The following ICA1 variants were observed in gnomAD, a reference collection of about 807,000 sequenced individuals.
ICA1 encodes the protein 69 kDa islet cell autoantigen.
A neutral mutation model predicts 71.0 loss-of-function variants in ICA1; 40 were observed. That is an observed-to-expected ratio of 0.56 (90% CI 0.44 to 0.73). The LOEUF (loss-of-function observed/expected upper bound fraction) is 0.73, where lower values mean the gene tolerates loss of function less well. Ranked by LOEUF, ICA1 falls within the 30% of genes least tolerant of loss-of-function variation. The probability of loss-of-function intolerance (pLI) is 0.00; values close to 1 mark genes in which losing one functional copy is unlikely to be tolerated. For missense variants in ICA1, 578 were observed against 576.5 expected (o/e 1.00, Z -0.03); for synonymous variants, 207 against 209.5 (o/e 0.99, Z 0.10).
At chr7:8,171,322 T>C (rs1267789205) in intron 6 of ICA1, among the ~76,000 whole-genome samples, 1 of 151,996 alleles carries the variant, frequency 6.6e-6, no homozygotes, top group Non-Finnish European at 1.5e-5. Context: ...GATTTATTCA[T>C]AGATATAGGG....
intron 1 of ICA1, among the ~76,000 whole-genome samples, chr7:8,236,431 C>T (rs1801865236): frequency 6.6e-6 from 1 of 152,188 alleles, no homozygotes; most frequent in Non-Finnish European, 1.5e-5. Context: ...GAGAGATATA[C>T]AGCAGCTTCA....
chr7:8,258,418 C>T (rs1338943776), intron 1 of ICA1, among the ~76,000 whole-genome samples: 1 of 152,162 alleles, frequency 6.6e-6, no homozygotes, highest in African/African-American at 2.4e-5. Context: ...GCCATCATTT[C>T]CCCACCTTTT....
intron 13 of ICA1, 103 bp from the exon 14 acceptor site, chr7:8,114,147 C>T (rs1784032456): frequency 7.9e-7 from 1 of 1,261,700 alleles, no homozygotes; most frequent in East Asian, 2.3e-5. Context: ...GCAGATTGTT[C>T]AATCAGACAA....
chr7:8,200,807 C>T (rs3823831), intron 6 of ICA1, among the ~76,000 whole-genome samples: 44,618 of 152,158 alleles, frequency 0.29, 12,214 homozygotes, highest in African/African-American at 0.73. Flanking sequence ...AAATGTCCAG[C>T]CAAACAGGAT....
intron 6 of ICA1, among the ~76,000 whole-genome samples, chr7:8,201,511 C>T (rs1039586375): frequency 9.9e-5 from 15 of 152,196 alleles, no homozygotes; most frequent in African/African-American, 3.4e-4. Context: ...GAGGGAAAAA[C>T]CAAAGGCAGA....
chr7:8,158,376 C>T (rs1802482667), intron 7 of ICA1, 151 bp downstream of exon 7: 1 of 861,380 alleles, frequency 1.2e-6, no homozygotes, highest in Middle Eastern at 2.5e-4. Flanking sequence ...AAACGTAGGG[C>T]CCTAGAAGGC....
Position 8,132,896 on chromosome 7 carries a change from T to C in ICA1, c.1061-4754A>G, listed in dbSNP as rs1792001603. ...TGGGTTTGCCCATTGGTGAAGCTGC[T>C]GGTGCTCCATAGAGGAACCCTCTTA... On this transcript the variant is annotated intron_variant, in intron 12 of 13. Transcript: ENST00000402384. The surrounding 1 kb of genome is among the most constrained non-coding windows in gnomAD (Gnocchi z 4.5). Among the ~76,000 whole-genome samples, 1 of 152,258 alleles carries C rather than the reference T, an allele frequency of 6.6e-6. No homozygotes were observed. Among genetic ancestry groups the C allele is most frequent in the South Asian group, 2.1e-4 (1 of 4,834 alleles).
chr7:8,116,119 C>G (rs1188667044), intron 13 of ICA1: 1 of 152,212 alleles, frequency 6.6e-6, no homozygotes, highest in Non-Finnish European at 1.5e-5. Flanking sequence ...CATCTCATAG[C>G]CCTGTCTTGA....
At chr7:8,218,897 A>G (rs2128414984) in intron 5 of ICA1, 1 of 300,260 alleles carries the variant, frequency 3.3e-6, no homozygotes, top group Non-Finnish European at 6.5e-6. Context: ...GTATGTGATT[A>G]GCATCTCTCC....
chr7:8,114,133 A>G, intron 13 of ICA1, 89 bp from the exon 14 acceptor site: 1 of 1,387,094 alleles, frequency 7.2e-7, no homozygotes, highest in Non-Finnish European at 1.0e-6. Context: ...GGTCATCTTC[A>G]AATGCAGATT....
chr7:8,169,242 C>T (rs1020749892), intron 6 of ICA1, among the ~76,000 whole-genome samples: 1 of 152,062 alleles, frequency 6.6e-6, no homozygotes, highest in Non-Finnish European at 1.5e-5. Flanking sequence ...TATGAATATA[C>T]TGTTACTTGT....
chr7:8,213,883 T>C (rs1794612056), intron 6 of ICA1, among the ~76,000 whole-genome samples: 1 of 152,134 alleles, frequency 6.6e-6, no homozygotes. Flanking sequence ...ATGAACAGTC[T>C]CCAAAACCTA....
chr7:8,226,266 C>T lies in ICA1; in HGVS notation c.256+2335G>A, dbSNP rs758885954. ...CAACCCTTCCCCACTCCTCATCCAC[C>T]ACTGGTATCCAGTCTCTTTCGTTTC... On this transcript the variant is annotated intron_variant, in intron 4 of 13. Coordinates refer to ENST00000402384, the MANE Select transcript of ICA1 (RefSeq NM_001136020.3). This position sits in a 1 kb window ranked among gnomAD's most constrained non-coding sequence, Gnocchi z 4.4. Among the ~76,000 whole-genome samples the T allele has an allele frequency of 3.9e-5, 6 of 152,102 alleles. No homozygotes were observed. The highest frequency in any genetic ancestry group is 5.9e-5 in the Non-Finnish European group (4 of 68,036).
At chr7:8,169,367 T>C (rs1441589226) in intron 6 of ICA1, among the ~76,000 whole-genome samples, 2 of 152,142 alleles carry the variant, frequency 1.3e-5, no homozygotes, top group Admixed American at 1.3e-4. Context: ...CATTTCTCTT[T>C]GGTAAATGTC....
intron 5 of ICA1, among the ~76,000 whole-genome samples, chr7:8,221,067 TTTAA>T (rs1796894049): frequency 1.3e-5 from 2 of 152,118 alleles, no homozygotes; most frequent in South Asian, 4.2e-4. Flanking sequence ...AAAAATTTTT[TTTAA>T]TTAATAGGGA....
intron 13 of ICA1, among the ~76,000 whole-genome samples, chr7:8,127,632 A>C (rs949131343): frequency 6.6e-6 from 1 of 152,186 alleles, no homozygotes. Context: ...TCAAAGGATG[A>C]CAATATGATT....
chr7:8,175,374 A>T (rs1030452082), intron 6 of ICA1, among the ~76,000 whole-genome samples: 3 of 152,228 alleles, frequency 2.0e-5, no homozygotes, highest in Non-Finnish European at 4.4e-5. Context: ...CTAAACATTC[A>T]TTTTAAACTC....
intron 1 of ICA1, among the ~76,000 whole-genome samples, chr7:8,236,452 T>C (rs1583600295): frequency 6.6e-6 from 1 of 152,200 alleles, no homozygotes; most frequent in East Asian, 1.9e-4. Context: ...AGTGCACACA[T>C]AGTGTTCTCT....
At chr7:8,176,938 T>C (rs1780808483) in intron 6 of ICA1, among the ~76,000 whole-genome samples, 1 of 152,164 alleles carries the variant, frequency 6.6e-6, no homozygotes, top group African/African-American at 2.4e-5. Flanking sequence ...CCCCTGCTCA[T>C]TTCACTAAAC....
Sources: gnomAD v4.1 joint callset for allele counts (sites outside exome capture counted in the v4.1 genomes callset) on GRCh38, gnomAD v4.1.1 for gene constraint, Gnocchi (gnomAD v3.1) non-coding constraint, MANE v1.5 for transcripts, NCBI Gene and HGNC (gene_info 2026-07-23, HGNC 2026-07-21) for gene names.